The following PTPN20 variants were observed in gnomAD, a reference collection of about 807,000 sequenced individuals.
PTPN20 encodes tyrosine-protein phosphatase non-receptor type 20.
A neutral mutation model predicts 35.0 loss-of-function variants in PTPN20; 9 were observed. The ratio of observed to expected loss-of-function variants is 0.26; its 90% CI spans 0.15 to 0.45. The LOEUF is 0.45. Among genes scored for constraint, PTPN20 ranks in the 20% least tolerant of loss-of-function variants. The pLI, the probability that PTPN20 is intolerant of heterozygous loss-of-function variation, is 1.00. For synonymous variants in PTPN20, 32 were observed against 100.2 expected (o/e 0.32, Z 4.06); for missense variants, 111 against 312.5 (o/e 0.36, Z 4.86).
At chr10:46,950,833 T>C (rs1405661554) in intron 5 of PTPN20, among the ~76,000 whole-genome samples, 1 of 152,006 alleles carries the variant, frequency 6.6e-6, no homozygotes, top group Non-Finnish European at 1.5e-5. Flanking sequence ...TAAATAAAAA[T>C]TGATGTGTGC....
chr10:46,953,827 C>CT (rs1246478225), intron 5 of PTPN20, among the ~76,000 whole-genome samples: 1 of 146,266 alleles, frequency 6.8e-6, no homozygotes, highest in Non-Finnish European at 1.5e-5. Flanking sequence ...TTCCTGAAGA[C>CT]TTTTTTTGTG....
chr10:46,925,522 C>CTT lies in PTPN20; in HGVS notation c.-123-6838_-123-6837dup, dbSNP rs1271555570. Among the ~76,000 whole-genome samples the CTT allele has an allele frequency of 4.2e-3, 565 of 133,982 alleles. 6 individuals are homozygous for CTT. The highest frequency in any genetic ancestry group is 0.015 in the African/African-American group (536 of 35,056). The allele number at this position is 133,982 out of a possible 152,430, so 87.9% of individuals were successfully genotyped here. On this transcript the variant is annotated intron_variant, in intron 1 of 10. Transcript: ENST00000374339. ...GCTGCTGCTGCTGCTGCTGCTTCCTCTTTTTTTTTTTTTTTTTTCCAGGCT... is the reference window on the plus strand; with the variant it reads ...GCTGCTGCTGCTGCTGCTGCTTCCTCTTTTTTTTTTTTTTTTTTTTCCAGGCT...
At chr10:46,941,700 TG>T (rs1421321161) in intron 3 of PTPN20, among the ~76,000 whole-genome samples, 1 of 145,616 alleles carries the variant, frequency 6.9e-6, no homozygotes, top group Non-Finnish European at 1.5e-5. Flanking sequence ...GGTTTTTTTT[TG>T]CTTGTTTGTT....
intron 2 of PTPN20, among the ~76,000 whole-genome samples, chr10:46,939,823 G>A (rs1351781310): frequency 6.7e-6 from 1 of 149,976 alleles, no homozygotes; most frequent in Non-Finnish European, 1.5e-5. Flanking sequence ...ATTAATTCAT[G>A]TGTTATAAAG....
chr10:46,957,536 C>T lies in PTPN20; in HGVS notation c.341-7450C>T, dbSNP rs1312541957. Among the ~76,000 whole-genome samples the T allele has an allele frequency of 6.4e-3, 969 of 152,158 alleles. 12 individuals carry two copies. Among genetic ancestry groups the T allele is most frequent in the African/African-American group, 0.021 (879 of 41,438 alleles). On this transcript the variant is annotated intron_variant, in intron 5 of 10. Transcript: ENST00000374339. ...AGATCACCTGAGGTTGGGGAGTTCA[C>T]GACCACCCTAGGCAACATGTCTCTA...
At chr10:46,949,432 A>T (rs1374954056) in intron 5 of PTPN20, among the ~76,000 whole-genome samples, 2 of 152,216 alleles carry the variant, frequency 1.3e-5, no homozygotes, top group Non-Finnish European at 2.9e-5. Context: ...TTGAACTGCC[A>T]CAGGGAGCCA....
chr10:46,949,247 C>T (rs1269608095), intron 5 of PTPN20, among the ~76,000 whole-genome samples: 3 of 152,164 alleles, frequency 2.0e-5, no homozygotes, highest in African/African-American at 7.2e-5. Context: ...TTATGAGCAC[C>T]TGTTGGAGGT....
Position 46,911,455 on chromosome 10 carries a change from G to C in PTPN20, c.-170G>C. 1 of 305,922 alleles carries C rather than the reference G, an allele frequency of 3.3e-6. No individual in the cohort carries two copies. Among genetic ancestry groups the C allele is most frequent in the Middle Eastern group, 1.3e-3 (1 of 800 alleles). 19.0% of individuals were successfully genotyped at this position (305,922 alleles called of 1,614,324 possible). A position where few individuals can be genotyped will look rare whatever the true frequency, so the allele number is the denominator to read the frequency against. On this transcript the variant is annotated 5_prime_UTR_variant, in exon 1 of 11. Transcript: ENST00000374339. ...GCTAGGCGTGGACCCAACTGGCGAG[G>C]CTGCTGGGGTTGCAGCGGGACAGTT...
At chr10:46,937,950 CTTTTT>C (rs1266304586) in intron 2 of PTPN20, among the ~76,000 whole-genome samples, 1 of 127,180 alleles carries the variant, frequency 7.9e-6, no homozygotes. Flanking sequence ...TTTTTCTTTT[CTTTTT>C]TTTTTTTTTT....
intron 1 of PTPN20, among the ~76,000 whole-genome samples, chr10:46,922,090 G>T: frequency 7.2e-6 from 1 of 139,070 alleles, no homozygotes; most frequent in African/African-American, 2.7e-5. Context: ...TTTTTCTGTT[G>T]GAATAACTAC....
intron 2 of PTPN20, among the ~76,000 whole-genome samples, chr10:46,939,832 A>G (rs1286447960): frequency 4.0e-5 from 6 of 150,892 alleles, no homozygotes; most frequent in Non-Finnish European, 8.9e-5. Flanking sequence ...TGTGTTATAA[A>G]GGTTCATAAT....
At chr10:46,937,278 A>C (rs1222521170) in intron 2 of PTPN20, among the ~76,000 whole-genome samples, 2 of 146,586 alleles carry the variant, frequency 1.4e-5, no homozygotes, top group East Asian at 4.1e-4. Context: ...TTGTTTTTCT[A>C]TATTTAATGT....
At chr10:46,947,626 A>AT (rs1186006042) in intron 5 of PTPN20, among the ~76,000 whole-genome samples, 3 of 151,726 alleles carry the variant, frequency 2.0e-5, no homozygotes, top group African/African-American at 7.3e-5. Flanking sequence ...TTTCTCTTGT[A>AT]TTTTTTTATA....
chr10:46,979,992 G>A (rs1462715980), intron 7 of PTPN20, among the ~76,000 whole-genome samples: 3 of 151,078 alleles, frequency 2.0e-5, no homozygotes, highest in African/African-American at 7.3e-5. Flanking sequence ...ATGACATTGT[G>A]CTGATTGGAT....
At position 46,931,550 on chromosome 10, in the gene PTPN20, C is replaced by CTACTAATTTTTGTAGAG. The variant is rs1555118950; in HGVS notation, c.-123-827_-123-826insTACTAATTTTTGTAGAG. Among the ~76,000 whole-genome samples the CTACTAATTTTTGTAGAG allele has an allele frequency of 1.6e-4, 23 of 142,228 alleles. 1 individual carries two copies. The highest frequency in any genetic ancestry group is 3.0e-4 in the Non-Finnish European group (20 of 67,102). 93.3% of individuals were successfully genotyped at this position (142,228 alleles called of 152,430 possible). ...AGCTGGGACCACAGGTGTGTGCCAC[C>CTACTAATTTTTGTAGAG]ACACCCGTCTAATTTTTGTAGAGAC... On this transcript the variant is annotated intron_variant, in intron 1 of 10. Transcript: ENST00000374339.
intron 1 of PTPN20, among the ~76,000 whole-genome samples, chr10:46,926,530 C>T (rs1336823647): frequency 6.0e-5 from 9 of 151,024 alleles, no homozygotes; most frequent in African/African-American, 2.0e-4. Flanking sequence ...TTTTTCTCTC[C>T]TAGGAAGTGG....
intron 9 of PTPN20, among the ~76,000 whole-genome samples, chr10:46,997,676 C>G (rs1186671046): frequency 6.7e-6 from 1 of 148,700 alleles, no homozygotes; most frequent in African/African-American, 2.5e-5. Flanking sequence ...CAACAAAGGC[C>G]TTGGATCTAG....
chr10:46,923,590 C>T (rs1272567369), intron 1 of PTPN20, among the ~76,000 whole-genome samples: 3 of 151,466 alleles, frequency 2.0e-5, no homozygotes, highest in Admixed American at 6.6e-5. Context: ...ATTCTTTCAA[C>T]AGTACCTTGT....
At chr10:46,925,065 G>A (rs1192278439) in intron 1 of PTPN20, among the ~76,000 whole-genome samples, 3 of 150,780 alleles carry the variant, frequency 2.0e-5, no homozygotes, top group African/African-American at 7.4e-5. Context: ...TGACATACTC[G>A]GTACATGGAA....
Sources: allele counts gnomAD v4.1 joint callset (sites outside exome capture counted in the v4.1 genomes callset), GRCh38; gene constraint gnomAD v4.1.1; transcripts MANE v1.5; gene names NCBI Gene and HGNC (gene_info 2026-07-23, HGNC 2026-07-21).